AAAS: variants seen among roughly 807,000 people sequenced by gnomAD.
AAAS encodes aladin.
In AAAS, 60 loss-of-function variants were observed where a neutral mutation model predicts 75.6. The observed-to-expected ratio is 0.79, with a 90% CI of 0.64 to 0.98. AAAS has a LOEUF of 0.98. Ranked by LOEUF, AAAS falls within the 50% of genes least tolerant of loss-of-function variation. The pLI is 0.00. For missense variants in AAAS, 658 were observed against 686.9 expected (o/e 0.96, Z 0.47); for synonymous variants, 271 against 265.0 (o/e 1.02, Z -0.22).
At chr12:53,321,240 G>T in intron 1 of AAAS, 103 bp downstream of exon 1, 1 of 1,538,150 alleles carries the variant, frequency 6.5e-7, no homozygotes, top group Non-Finnish European at 8.8e-7. Context: ...TTTCCACTCC[G>T]CCAGACTCTG....
intron 7 of AAAS, among the ~76,000 whole-genome samples, chr12:53,312,785 GTA>G (rs151067872): frequency 1.4e-4 from 20 of 142,552 alleles, no homozygotes; most frequent in South Asian, 4.4e-4. Context: ...ATACATACAC[GTA>G]TATATATATA....
Position 53,321,409 on chromosome 12 carries a change from A to T in AAAS, c.57T>A (p.Tyr19Ter). ...PPPPRGQVTL[Y>*]EHNNELVTGS... is the part of the protein sequence containing the mutation. ...CCGTCACCAGCTCGTTATTGTGCTC[A>T]TATAGGGTGACTTGACCCCGAGGCG... Residue 19 changes from tyrosine (Y) to a stop codon, truncating the protein, a stop_gained, in exon 1 of 16, where the codon TAT becomes TAA. Coordinates refer to ENST00000209873, the MANE Select transcript of AAAS (RefSeq NM_015665.6). LOFTEE classifies it high-confidence loss of function. The T allele has an allele frequency of 6.2e-7, 1 of 1,613,760 alleles. No individual in the cohort carries two copies. The highest frequency in any genetic ancestry group is 8.5e-7 in the Non-Finnish European group (1 of 1,179,750).
intron 7 of AAAS, among the ~76,000 whole-genome samples, chr12:53,311,628 A>G (rs533450608): frequency 6.6e-6 from 1 of 152,044 alleles, no homozygotes; most frequent in African/African-American, 2.4e-5. Flanking sequence ...AAAAACCAAA[A>G]AACAGGCCAG....
intron 2 of AAAS, among the ~76,000 whole-genome samples, chr12:53,319,846 C>T (rs1592523798): frequency 1.4e-5 from 2 of 144,998 alleles, no homozygotes; most frequent in Non-Finnish European, 3.0e-5. Flanking sequence ...ATGAGCCGGG[C>T]GCGGTGGCTC....
chr12:53,321,547 G>T lies in AAAS; in HGVS notation c.-82C>A. On this transcript the variant is annotated 5_prime_UTR_variant, in exon 1 of 16. Coordinates refer to ENST00000209873, the MANE Select transcript of AAAS (RefSeq NM_015665.6). The stretch of plus-strand genomic sequence containing the variant: ...CCGCACTCCCGCAACTCGGTTCCCG[G>T]GCTAGATTCGTATGCGGACGGGTAC... 1.2e-6 allele frequency: 2 copies of T among 1,606,024 alleles called. No individual in the cohort carries two copies. The highest frequency in any genetic ancestry group is 8.5e-7 in the Non-Finnish European group (1 of 1,178,604).
At chr12:53,317,741 CAA>C (rs766508216) in intron 2 of AAAS, among the ~76,000 whole-genome samples, 6 of 118,676 alleles carry the variant, frequency 5.1e-5, no homozygotes, top group Non-Finnish European at 3.6e-5. Flanking sequence ...GACTCTGTCT[CAA>C]AAAAAAAAAA....
chr12:53,318,151 G>A (rs531896041), intron 2 of AAAS, among the ~76,000 whole-genome samples: 162 of 151,774 alleles, frequency 1.1e-3, no homozygotes, highest in Middle Eastern at 3.4e-3. Context: ...TCGGCCTCCC[G>A]AGGAGCTGAG....
Position 53,320,683 on chromosome 12 carries a change from G to A in AAAS, c.133C>T (p.Leu45Phe), listed in dbSNP as rs914802105. ...PPDFRGQWIN[L>F]PVLQLTKDPL... The stretch of plus-strand genomic sequence containing the variant: ...TCCTTTGTCAGTTGTAGGACAGGAA[G>A]ATTGATCCACTATAGCACAAAAGTG... The change falls in exon 2 of 16, where the codon CTT (leucine) becomes TTT (phenylalanine). Residue 45 changes from leucine to phenylalanine, a missense_variant. Coordinates refer to ENST00000209873, the MANE Select transcript of AAAS (RefSeq NM_015665.6). 1 of 1,614,142 alleles carries A rather than the reference G, an allele frequency of 6.2e-7. No homozygotes were observed. Among genetic ancestry groups the A allele is most frequent in the Non-Finnish European group, 8.5e-7 (1 of 1,179,986 alleles).
chr12:53,321,539 G>C lies in AAAS; in HGVS notation c.-74C>G. ...GGCACAGACCGCACTCCCGCAACTC[G>C]GTTCCCGGGCTAGATTCGTATGCGG... On this transcript the variant is annotated 5_prime_UTR_variant, in exon 1 of 16. Coordinates refer to ENST00000209873, the MANE Select transcript of AAAS (RefSeq NM_015665.6). 1 of 1,608,454 alleles carries C rather than the reference G, an allele frequency of 6.2e-7. No individual in the cohort carries two copies. Among genetic ancestry groups the C allele is most frequent in the Admixed American group, 1.7e-5 (1 of 60,014 alleles).
chr12:53,315,761 C>T lies in AAAS; in HGVS notation c.273G>A (p.Gly91=), dbSNP rs1051810767. The T allele has an allele frequency of 1.9e-6, 3 of 1,613,690 alleles. No individual in the cohort carries two copies. The African/African-American group carries it at 4.0e-5, about 22-fold the overall frequency. Residue 91 remains glycine, a synonymous_variant, in exon 3 of 16, where the codon GGG becomes GGA. Coordinates refer to ENST00000209873, the MANE Select transcript of AAAS (RefSeq NM_015665.6). Reference sequence around the variant, plus strand: ...CTGAGTTTGCAATTTCATTTAGCACCCCAAAAAGGCCCACATCACGCCTGA... The same window carrying T: ...CTGAGTTTGCAATTTCATTTAGCACTCCAAAAAGGCCCACATCACGCCTGA... ...INIWRDVGLF[G]VLNEIANSEE...
intron 5 of AAAS, 41 bp from the exon 6 acceptor site, chr12:53,314,890 C>G: frequency 6.3e-7 from 1 of 1,576,018 alleles, no homozygotes. Flanking sequence ...GCACCTATCC[C>G]TACCCTAGCC....
intron 7 of AAAS, among the ~76,000 whole-genome samples, chr12:53,310,685 G>A (rs751040569): frequency 6.6e-6 from 1 of 152,094 alleles, no homozygotes; most frequent in East Asian, 1.9e-4. Context: ...CCTGACAGAC[G>A]AAGGCTACTA....
Position 53,312,785 on chromosome 12 carries a change from GTATA to G in AAAS, c.689+1509_689+1512del, listed in dbSNP as rs151067872. On this transcript the variant is annotated intron_variant, in intron 7 of 15. Coordinates refer to ENST00000209873, the MANE Select transcript of AAAS (RefSeq NM_015665.6). ...TACGTATATACACGTATACATACAC[GTATA>G]TATATATATACGTGTATATATATGT... 7.0e-5 allele frequency among the ~76,000 whole-genome samples: 10 copies of G among 142,662 alleles called. No homozygotes were observed. The South Asian group carries it at 2.0e-3, about 28-fold the overall frequency. The allele number at this position is 142,662 out of a possible 152,430, so 93.6% of individuals were successfully genotyped here. A position where few individuals can be genotyped will look rare whatever the true frequency, so the allele number is the denominator to read the frequency against.
At chr12:53,316,762 G>GAA (rs1379261548) in intron 2 of AAAS, among the ~76,000 whole-genome samples, 1 of 16,354 alleles carries the variant, frequency 6.1e-5, no homozygotes, top group African/African-American at 1.8e-4. Context: ...CTCCATCTCA[G>GAA]ACAAAAAAAA....
rs1451386648 is a variant in AAAS at position 53,314,411 on chromosome 12, C to T, written c.576G>A (p.Leu192=). The change falls in exon 7 of 16, where the codon CTG becomes CTA. Residue 192 remains leucine (L), a synonymous_variant. Transcript: ENST00000209873. ...STIVPSLKHR[L]QRNVASLAWK... is the part of the protein sequence containing the mutation. The stretch of plus-strand genomic sequence containing the variant: ...AGGCCAGAGACGCCACATTTCGCTG[C>T]AGCCGGTGCTTCAGGGAGGGGACTA... 3 of 1,614,170 alleles carry T rather than the reference C, an allele frequency of 1.9e-6. No individual in the cohort carries two copies. The highest frequency in any genetic ancestry group is 2.2e-5 in the East Asian group (1 of 44,880).
At chr12:53,321,272 GCCT>G (rs1944549789) in intron 1 of AAAS, 68 bp downstream of exon 1, 8 of 1,583,172 alleles carry the variant, frequency 5.1e-6, no homozygotes, top group Non-Finnish European at 6.9e-6. Context: ...CTGTCACACT[GCCT>G]CCTTTCCCCA....
Position 53,308,437 on chromosome 12 carries a change from C to G in AAAS, c.1179G>C (p.Glu393Asp). 3.7e-6 allele frequency: 6 copies of G among 1,614,204 alleles called. No homozygotes were observed. Among genetic ancestry groups the G allele is most frequent in the Non-Finnish European group, 5.1e-6 (6 of 1,180,032 alleles). ...ACTCCCTCAACCACTCAGCTCACCT[C>G]TCCTCACCATCTGGTGTCTGTATTG... ...ETTIQTPDGE[E>D]RLGGEAHSMV... is the part of the protein sequence containing the mutation. Residue 393 changes from glutamate to aspartate, a missense_variant and splice_region_variant, in exon 12 of 16, where the codon GAG (glutamate) becomes GAC (aspartate). By Grantham distance (45) the Glu-to-Asp change is conservative. Transcript: ENST00000209873.
intron 7 of AAAS, among the ~76,000 whole-genome samples, chr12:53,312,304 G>A (rs566728256): frequency 2.0e-5 from 3 of 152,078 alleles, no homozygotes; most frequent in African/African-American, 7.2e-5. Flanking sequence ...CACAGGGCAC[G>A]GTGGCTCACT....
chr12:53,321,276 C>T, intron 1 of AAAS, 67 bp downstream of exon 1: 1 of 1,588,184 alleles, frequency 6.3e-7, no homozygotes, highest in Non-Finnish European at 8.6e-7. Flanking sequence ...CACACTGCCT[C>T]CTTTCCCCAG....
Sources: allele counts gnomAD v4.1 joint callset (sites outside exome capture counted in the v4.1 genomes callset), GRCh38; gene constraint gnomAD v4.1.1; transcripts MANE v1.5; gene names NCBI Gene and HGNC (gene_info 2026-07-23, HGNC 2026-07-21).